Variants in DPP10 observed in about 807,000 individuals in gnomAD.
DPP10 encodes inactive dipeptidyl peptidase 10.
In DPP10, 33 loss-of-function variants were observed where a neutral mutation model predicts 120.9. That is an observed-to-expected ratio of 0.27 (90% CI 0.21 to 0.37). The LOEUF is 0.37. Among genes scored for constraint, DPP10 ranks in the 10% least tolerant of loss-of-function variants. The pLI, the probability that DPP10 is intolerant of heterozygous loss-of-function variation, is 1.00. For synonymous variants in DPP10, 337 were observed against 326.1 expected, an observed-to-expected ratio of 1.03 and a Z score of -0.36; for missense variants, 816 against 942.8, an observed-to-expected ratio of 0.87 and a Z score of 1.76.
intron 3 of DPP10, among the ~76,000 whole-genome samples, chr2:115,370,581 G>T (rs1402445): frequency 0.79 from 120,503 of 152,012 alleles, 47,927 homozygotes; most frequent in Non-Finnish European, 0.83. Flanking sequence ...ATTACATGAT[G>T]GTTAAAATGG....
At chr2:114,726,223 G>A (rs1449086918) in intron 1 of DPP10, among the ~76,000 whole-genome samples, 1 of 147,348 alleles carries the variant, frequency 6.8e-6, no homozygotes, top group Non-Finnish European at 1.5e-5. Context: ...GAAACAGAGC[G>A]AGACTACGTC....
intron 1 of DPP10, among the ~76,000 whole-genome samples, chr2:114,714,246 A>G (rs1701216648): frequency 6.6e-6 from 1 of 152,166 alleles, no homozygotes; most frequent in Admixed American, 6.5e-5. Flanking sequence ...AGGCATCTCC[A>G]GCAACATAGT....
At chr2:115,120,686 T>A (rs555611897) in intron 1 of DPP10, among the ~76,000 whole-genome samples, 103 of 152,324 alleles carry the variant, frequency 6.8e-4, no homozygotes, top group Non-Finnish European at 7.9e-4. Context: ...TACATTTTTT[T>A]AAATAAATTC....
At chr2:115,668,753 A>T (rs910401442) in intron 5 of DPP10, among the ~76,000 whole-genome samples, 1 of 151,734 alleles carries the variant, frequency 6.6e-6, no homozygotes, top group Non-Finnish European at 1.5e-5. Flanking sequence ...TTCTTTCCAC[A>T]CTCTTATAAT....
chr2:114,875,262 A>G (rs1691060431), intron 1 of DPP10, among the ~76,000 whole-genome samples: 1 of 152,174 alleles, frequency 6.6e-6, no homozygotes, highest in Non-Finnish European at 1.5e-5. Flanking sequence ...AGGGCATTAT[A>G]AAGTTGGGTG....
intron 8 of DPP10, among the ~76,000 whole-genome samples, chr2:115,735,642 A>G (rs1378866818): frequency 7.0e-6 from 1 of 141,850 alleles, no homozygotes; most frequent in Non-Finnish European, 1.5e-5. Context: ...TGCCCCAGCC[A>G]CCTGAGTAAC....
intron 1 of DPP10, among the ~76,000 whole-genome samples, chr2:114,657,514 T>C (rs1332477278): frequency 6.6e-6 from 1 of 152,226 alleles, no homozygotes; most frequent in African/African-American, 2.4e-5. Flanking sequence ...AATGGTTTTC[T>C]TTTCTCTATA....
intron 5 of DPP10, among the ~76,000 whole-genome samples, chr2:115,685,881 G>A (rs2090960474): frequency 6.6e-6 from 1 of 151,888 alleles, no homozygotes; most frequent in South Asian, 2.1e-4. Flanking sequence ...CTCATGCCAT[G>A]TTTATATAAT....
At chr2:115,179,703 T>C (rs2053946598) in intron 1 of DPP10, among the ~76,000 whole-genome samples, 1 of 152,206 alleles carries the variant, frequency 6.6e-6, no homozygotes, top group Non-Finnish European at 1.5e-5. Context: ...ACTCCTCATA[T>C]ATTGAGGAAG....
intron 1 of DPP10, among the ~76,000 whole-genome samples, chr2:115,196,997 GC>G (rs1265420964): frequency 6.6e-6 from 1 of 152,154 alleles, no homozygotes; most frequent in African/African-American, 2.4e-5. Context: ...ATAAGGTTTA[GC>G]CCAGTAGTGG....
At chr2:115,578,614 C>T (rs1488642868) in intron 5 of DPP10, among the ~76,000 whole-genome samples, 4 of 152,116 alleles carry the variant, frequency 2.6e-5, no homozygotes, top group South Asian at 2.1e-4. Context: ...AGAGAAGCCA[C>T]CTGGATAAAA....
At chr2:114,482,093 C>T (rs2104684420) in intron 1 of DPP10, among the ~76,000 whole-genome samples, 1 of 152,206 alleles carries the variant, frequency 6.6e-6, no homozygotes, top group African/African-American at 2.4e-5. Flanking sequence ...GATCCAGTCA[C>T]CTCCCACCAG....
chr2:115,671,489 C>T (rs1265658162), intron 5 of DPP10, among the ~76,000 whole-genome samples: 1 of 151,818 alleles, frequency 6.6e-6, no homozygotes, highest in Admixed American at 6.6e-5. Context: ...CTTTTAGCCT[C>T]AAATAGCTAT....
intron 1 of DPP10, among the ~76,000 whole-genome samples, chr2:114,568,111 G>C (rs1449803093): frequency 6.7e-6 from 1 of 148,574 alleles, no homozygotes; most frequent in East Asian, 2.0e-4. Flanking sequence ...GTCTAGATTT[G>C]AGCATAGGCC....
chr2:115,365,247 A>G (rs1471839946), intron 3 of DPP10, among the ~76,000 whole-genome samples: 2 of 152,106 alleles, frequency 1.3e-5, no homozygotes, highest in African/African-American at 4.8e-5. Context: ...ACAGCGGGGC[A>G]GATGGATTTG....
chr2:114,765,650 G>A (rs1025401267), intron 1 of DPP10, among the ~76,000 whole-genome samples: 2 of 152,026 alleles, frequency 1.3e-5, no homozygotes, highest in Non-Finnish European at 2.9e-5. Flanking sequence ...ATTTTCCAAC[G>A]GCCTAAACAC....
chr2:115,084,588 T>A (rs1165094752), intron 1 of DPP10, among the ~76,000 whole-genome samples: 1 of 152,210 alleles, frequency 6.6e-6, no homozygotes, highest in African/African-American at 2.4e-5. Flanking sequence ...GAAGCTGTTT[T>A]TGTGTTCTTG....
intron 1 of DPP10, among the ~76,000 whole-genome samples, chr2:115,060,428 A>G (rs1345100253): frequency 2.0e-5 from 3 of 152,032 alleles, no homozygotes; most frequent in African/African-American, 7.2e-5. Context: ...CCCTGTTTCT[A>G]TAAAATATAC....
intron 3 of DPP10, among the ~76,000 whole-genome samples, chr2:115,386,913 A>G (rs1464743222): frequency 6.6e-6 from 1 of 152,150 alleles, no homozygotes; most frequent in Non-Finnish European, 1.5e-5. Context: ...AAAAAAAAAA[A>G]AAACTGTAAG....
Sources: allele counts gnomAD v4.1 joint callset (sites outside exome capture counted in the v4.1 genomes callset), GRCh38; gene constraint gnomAD v4.1.1; transcripts MANE v1.5; gene names NCBI Gene and HGNC (gene_info 2026-07-23, HGNC 2026-07-21).